Variants in DMKN observed in about 807,000 individuals in gnomAD.
DMKN encodes the protein dermokine.
Under a neutral mutation model 67.6 loss-of-function variants are expected in DMKN, and 58 were observed. The ratio of observed to expected loss-of-function variants is 0.86; its 90% CI spans 0.69 to 1.07. The LOEUF is 1.07. DMKN is among the 50% of genes least tolerant of loss of function. DMKN has a pLI of 0.00. For missense variants in DMKN, 596 were observed against 601.5 expected (o/e 0.99, Z 0.10); for synonymous variants, 240 against 232.3 (o/e 1.03, Z -0.30).
In DMKN at chr19:35,510,902, G is replaced by T. The variant is rs1243793469; in HGVS notation, c.918+509C>A. Among the ~76,000 whole-genome samples, 9 of 152,286 alleles carry T rather than the reference G, an allele frequency of 5.9e-5. No homozygotes were observed. The East Asian group carries it at 1.7e-3, about 29-fold the overall frequency. ...TGAGGCCCGGGGCCCTGGGGTGGCAGCTGCGGGGTCACAGCGCCCCTTCCT... is the reference window on the plus strand; with the variant it reads ...TGAGGCCCGGGGCCCTGGGGTGGCATCTGCGGGGTCACAGCGCCCCTTCCT... On this transcript the variant is annotated intron_variant, in intron 5 of 15. Coordinates refer to ENST00000339686, the MANE Select transcript of DMKN (RefSeq NM_033317.5).
In DMKN at chr19:35,499,211, T is replaced by G. The variant is rs1467115882; in HGVS notation, c.1360-314A>C. ...ACTGACCACAGATAACCCGGCAGAGTGGAAGCCACAGATAACTCAGCAGAG... is the reference window on the plus strand; with the variant it reads ...ACTGACCACAGATAACCCGGCAGAGGGGAAGCCACAGATAACTCAGCAGAG... On this transcript the variant is annotated intron_variant, in intron 13 of 15. Coordinates refer to ENST00000339686, the MANE Select transcript of DMKN (RefSeq NM_033317.5). 7.0e-6 allele frequency: 3 copies of G among 427,252 alleles called. No homozygotes were observed. In the East Asian group the frequency reaches 1.4e-4, roughly 20 times the overall value. 26.5% of individuals were successfully genotyped at this position (427,252 alleles called of 1,614,324 possible). A position where few individuals can be genotyped will look rare whatever the true frequency, so the allele number is the denominator to read the frequency against.
intron 11 of DMKN, 152 bp downstream of exon 11, chr19:35,501,984 C>T: frequency 3.9e-6 from 6 of 1,545,786 alleles, no homozygotes; most frequent in Non-Finnish European, 5.3e-6. Flanking sequence ...TGACTCACGG[C>T]TTCTCCCTCT....
chr19:35,498,334 C>T, intron 15 of DMKN: 1 of 208,052 alleles, frequency 4.8e-6, no homozygotes, highest in Non-Finnish European at 9.6e-6. Context: ...GGGGTTTTGC[C>T]ATGTTTCCCA....
chr19:35,500,751 A>G (rs373665342), intron 11 of DMKN, among the ~76,000 whole-genome samples, 171 bp from the exon 12 acceptor site: 6 of 152,154 alleles, frequency 3.9e-5, no homozygotes, highest in South Asian at 4.1e-4. Context: ...AGATATCCAC[A>G]CTCAGCATTG....
intron 9 of DMKN, among the ~76,000 whole-genome samples, chr19:35,505,217 C>T (rs908143099): frequency 7.2e-5 from 11 of 152,016 alleles, no homozygotes; most frequent in African/African-American, 1.9e-4. Context: ...CCCTGCAAGA[C>T]GGAAGGGTAG....
At chr19:35,501,778 C>A in intron 11 of DMKN, 1 of 1,508,054 alleles carries the variant, frequency 6.6e-7, no homozygotes, top group Non-Finnish European at 8.9e-7. Context: ...CCCCTTCTTC[C>A]CCTCAATACG....
chr19:35,506,236 G>T, intron 7 of DMKN: 2 of 1,454,306 alleles, frequency 1.4e-6, no homozygotes, highest in Non-Finnish European at 1.8e-6. Flanking sequence ...TTCCTATCAT[G>T]CCTGCCACCT....
In DMKN at chr19:35,499,138, G is replaced by A. The variant is rs550847808; in HGVS notation, c.1360-241C>T. ...GGTTCCTGGGCACGTACTGACCAAG[G>A]GGGTCAAAAGAGCATAGGCCTCGCT... On this transcript the variant is annotated intron_variant, in intron 13 of 15. Coordinates refer to ENST00000339686, the MANE Select transcript of DMKN (RefSeq NM_033317.5). 2.2e-4 allele frequency: 134 copies of A among 598,482 alleles called. 1 individual carries two copies. In the South Asian group the frequency reaches 2.6e-3, roughly 12 times the overall value. 37.1% of individuals were successfully genotyped at this position (598,482 alleles called of 1,614,324 possible).
chr19:35,501,868 G>A (rs199663537), intron 11 of DMKN: 3 of 1,586,216 alleles, frequency 1.9e-6, no homozygotes, highest in Admixed American at 1.8e-5. Flanking sequence ...GCAGGAGCAG[G>A]AGCAGAGCAG....
intron 13 of DMKN, chr19:35,499,306 G>A (rs2067965643): frequency 3.9e-6 from 1 of 258,426 alleles, no homozygotes; most frequent in African/African-American, 2.3e-5. Flanking sequence ...TCCCTCAGTG[G>A]AAGGTCCTCT....
At position 35,498,908 on chromosome 19, in the gene DMKN, A is replaced by G. The variant is rs1279482281; in HGVS notation, c.1360-11T>C. On this transcript the variant is annotated splice_polypyrimidine_tract_variant and intron_variant, in intron 13 of 15. Coordinates refer to ENST00000339686, the MANE Select transcript of DMKN (RefSeq NM_033317.5). ...AGGTGAGACTCCCCCCTGCAAAAAG[A>G]TCAAAGGAAAGTGATGTGGGGTCAT... The G allele has an allele frequency of 3.1e-6, 5 of 1,613,994 alleles. No individual in the cohort carries two copies. In the African/African-American group the frequency reaches 6.7e-5, roughly 22 times the overall value.
intron 14 of DMKN, 42 bp downstream of exon 14, chr19:35,498,832 C>T (rs779918983): frequency 1.2e-6 from 2 of 1,614,198 alleles, no homozygotes; most frequent in Non-Finnish European, 1.7e-6. Flanking sequence ...CCTCAGGCCC[C>T]TTCTCTCTCC....
intron 7 of DMKN, chr19:35,507,614 G>A (rs1329849658): frequency 1.0e-6 from 1 of 976,124 alleles, no homozygotes; most frequent in East Asian, 2.6e-5. Context: ...TGAATCGGGG[G>A]ACTGAGACAT....
Position 35,500,096 on chromosome 19 carries a change from TC to T in DMKN, c.1288-68del, listed in dbSNP as rs1395054718. 2.6e-6 allele frequency: 4 copies of T among 1,551,446 alleles called. No individual in the cohort carries two copies. In the African/African-American group the frequency reaches 5.4e-5, roughly 21 times the overall value. ...AGGCCATTTTGCTCTGGAATAAACA[TC>T]CCACCTTCCTGCCTGGACCAGACCT... On this transcript the variant is annotated intron_variant, in intron 12 of 15. Transcript: ENST00000339686.
chr19:35,505,813 ATTG>A (rs1314526860), intron 8 of DMKN, 48 bp from the exon 9 acceptor site: 1 of 1,613,986 alleles, frequency 6.2e-7, no homozygotes, highest in Non-Finnish European at 8.5e-7. Flanking sequence ...TCATAAGGTA[ATTG>A]GCCGAGAGAG....
At chr19:35,503,851 C>T (rs557344061) in intron 9 of DMKN, among the ~76,000 whole-genome samples, 13 of 152,010 alleles carry the variant, frequency 8.6e-5, no homozygotes, top group South Asian at 2.1e-4. Flanking sequence ...GTATAAGAGA[C>T]CCCTGCTCCA....
intron 9 of DMKN, among the ~76,000 whole-genome samples, chr19:35,503,765 C>T (rs750996618): frequency 2.0e-5 from 3 of 152,066 alleles, no homozygotes; most frequent in Non-Finnish European, 4.4e-5. Flanking sequence ...CATGAGCCAC[C>T]GCGCCTGGCC....
At position 35,501,828 on chromosome 19, in the gene DMKN, C is replaced by T. The variant is rs755019427; in HGVS notation, c.1239+308G>A. ...GTGCACCCTGCGGTACCCACCCAGC[C>T]GTGGCTCCCCTGGGTCCAGGCCAGG... is the stretch of plus-strand genomic sequence containing the variant. On this transcript the variant is annotated intron_variant, in intron 11 of 15. Transcript: ENST00000339686. 6.0e-5 allele frequency: 94 copies of T among 1,571,720 alleles called. No homozygotes were observed. The South Asian group carries it at 6.3e-4, about 11-fold the overall frequency.
Position 35,500,492 on chromosome 19 carries a change from G to A in DMKN, c.1287+41C>T, listed in dbSNP as rs368869535. The A allele has an allele frequency of 1.1e-4, 176 of 1,597,152 alleles. 2 individuals are homozygous for A. In the African/African-American group the frequency reaches 2.0e-3, roughly 18 times the overall value. Reference sequence around the variant, plus strand: ...CAGACCCGGGAGCAAGGCCAAGGGGGACCAAGGGCCCTGCAGGGTAACTTG... The same window carrying A: ...CAGACCCGGGAGCAAGGCCAAGGGGAACCAAGGGCCCTGCAGGGTAACTTG... On this transcript the variant is annotated intron_variant, in intron 12 of 15. Transcript: ENST00000339686.
Sources: allele counts gnomAD v4.1 joint callset (sites outside exome capture counted in the v4.1 genomes callset), GRCh38; gene constraint gnomAD v4.1.1; transcripts MANE v1.5; gene names NCBI Gene and HGNC (gene_info 2026-07-23, HGNC 2026-07-21).